The following LRRD1 variants were observed in gnomAD, a reference collection of about 807,000 sequenced individuals.
LRRD1 encodes the protein leucine rich repeats and death domain containing 1, also known as leucine-rich repeat and death domain-containing protein 1.
LRRD1 carries 49 observed loss-of-function variants against 69.5 expected under a neutral mutation model. That is an observed-to-expected ratio of 0.70 (90% CI 0.56 to 0.89). LRRD1 has a LOEUF of 0.89. Ranked by LOEUF, LRRD1 falls within the 40% of genes least tolerant of loss-of-function variation. The pLI, the probability that LRRD1 is intolerant of heterozygous loss-of-function variation, is 0.00. For synonymous variants in LRRD1, 303 were observed against 338.9 expected, an observed-to-expected ratio of 0.89 and a Z score of 1.16; for missense variants, 853 against 956.0, an observed-to-expected ratio of 0.89 and a Z score of 1.42.
At chr7:92,158,201 C>T (rs1161919997) in intron 3 of LRRD1, among the ~76,000 whole-genome samples, 1 of 151,908 alleles carries the variant, frequency 6.6e-6, no homozygotes, top group Non-Finnish European at 1.5e-5. Flanking sequence ...CATTTAAAGA[C>T]ACTGCTGGCT....
At chr7:92,142,568 G>A (rs1438503471), downstream of LRRD1, 4 of 455,370 alleles carry the variant, frequency 8.8e-6, no homozygotes, top group East Asian at 6.9e-5. Context: ...TGGGTTCTTC[G>A]TCTCACTGAC....
rs73228571 is a variant in LRRD1, at chr7:92,164,994, G to A, written c.209C>T (p.Ser70Phe). The A allele has an allele frequency of 0.02, 31,427 of 1,551,222 alleles. 410 individuals carry two copies. Among genetic ancestry groups the A allele is most frequent in the Non-Finnish European group, 0.024 (27,799 of 1,146,820 alleles). The change falls in exon 2 of 6, where the codon TCC becomes TTC. Residue 70 changes from serine to phenylalanine, a missense_variant. By Grantham distance (155) the Ser-to-Phe change is radical. Coordinates refer to ENST00000458448, the MANE Select transcript of LRRD1 (RefSeq NM_001161528.2). The stretch of plus-strand genomic sequence containing the variant: ...ATTTCTCTTAGACTTCCTTCCAGAG[G>A]AAGATGTTGACTCTAATGTATTCTG... ...PRQNTLESTSSSGRKSKRNEE... is the reference protein window; with the variant it reads ...PRQNTLESTSFSGRKSKRNEE...
Position 92,150,690 on chromosome 7 carries a change from TA to T in LRRD1, c.2121del (p.Asn707LysfsTer3). 6.6e-7 allele frequency: 1 copy of T among 1,526,076 alleles called. No homozygotes were observed. Among genetic ancestry groups the T allele is most frequent in the Non-Finnish European group, 8.8e-7 (1 of 1,132,716 alleles). 94.5% of individuals were successfully genotyped at this position (1,526,076 alleles called of 1,614,324 possible). A position where few individuals can be genotyped will look rare whatever the true frequency, so the allele number is the denominator to read the frequency against. On this transcript the variant is annotated frameshift_variant, in exon 4 of 6. Coordinates refer to ENST00000458448, the MANE Select transcript of LRRD1 (RefSeq NM_001161528.2). LOFTEE classifies it high-confidence loss of function. ...NDLQQLNLSG[N>X]NLTALPSAIY... The stretch of plus-strand genomic sequence containing the variant: ...ATAGCACTAGGTAGAGCTGTCAGAT[TA>T]TTTCCTAGTAGAAAAAAATTAGAAT...
chr7:92,165,486 T>C (rs1788887221), intron 1 of LRRD1, among the ~76,000 whole-genome samples: 1 of 151,954 alleles, frequency 6.6e-6, no homozygotes, highest in Admixed American at 6.6e-5. Flanking sequence ...CACTTTAAAA[T>C]TACAGAAAGA....
chr7:92,142,996 C>A, downstream of LRRD1: 1 of 249,240 alleles, frequency 4.0e-6, no homozygotes, highest in South Asian at 4.3e-5. Flanking sequence ...TCTTATCTGG[C>A]CCCACCCACG....
chr7:92,162,451 T>C (rs952161508), intron 2 of LRRD1, among the ~76,000 whole-genome samples: 2 of 152,188 alleles, frequency 1.3e-5, no homozygotes, highest in African/African-American at 4.8e-5. Flanking sequence ...ATAATAGCTG[T>C]GTTCTTTTCA....
At chr7:92,174,494 TATATATATA>T in intron 1 of LRRD1, among the ~76,000 whole-genome samples, 1 of 19,750 alleles carries the variant, frequency 5.1e-5, no homozygotes, top group African/African-American at 2.1e-4. Flanking sequence ...TATATATATA[TATATATATA>T]TATATATTTT....
chr7:92,142,266 A>T (rs1042596476), downstream of LRRD1: 2 of 353,414 alleles, frequency 5.7e-6, no homozygotes, highest in African/African-American at 4.3e-5. Flanking sequence ...AACCACTTGT[A>T]TTAGGTCTCT....
At chr7:92,147,308 T>A (rs1479806031) in intron 4 of LRRD1, among the ~76,000 whole-genome samples, 1 of 152,174 alleles carries the variant, frequency 6.6e-6, no homozygotes, top group African/African-American at 2.4e-5. Flanking sequence ...CCTCAGGTGA[T>A]CCGCCCTCCT....
intron 1 of LRRD1, among the ~76,000 whole-genome samples, chr7:92,175,611 T>A (rs2131028460): frequency 6.6e-6 from 1 of 152,210 alleles, no homozygotes; most frequent in Non-Finnish European, 1.5e-5. Context: ...ATCACGCCAT[T>A]GTACTCCAGC....
At chr7:92,149,885 G>A (rs1442148066) in intron 4 of LRRD1, 2 of 456,172 alleles carry the variant, frequency 4.4e-6, no homozygotes, top group African/African-American at 2.0e-5. Flanking sequence ...ACATTTGGTA[G>A]AACAGATTGG....
intron 1 of LRRD1, among the ~76,000 whole-genome samples, chr7:92,177,313 C>A (rs1055012245): frequency 6.6e-6 from 1 of 151,870 alleles, no homozygotes; most frequent in African/African-American, 2.4e-5. Flanking sequence ...TTCTAATTAG[C>A]TATTTGTTGA....
At chr7:92,142,284 C>A, downstream of LRRD1, 2 of 357,378 alleles carry the variant, frequency 5.6e-6, no homozygotes, top group East Asian at 1.5e-4. Flanking sequence ...TCTTTCCATT[C>A]AAAGTTATGG....
chr7:92,177,457 C>T (rs1203173728), intron 1 of LRRD1, among the ~76,000 whole-genome samples: 1 of 152,138 alleles, frequency 6.6e-6, no homozygotes, highest in Non-Finnish European at 1.5e-5. Context: ...TAATTGCCTT[C>T]CCTGGCTTCA....
At chr7:92,149,551 G>T (rs920272261) in intron 4 of LRRD1, among the ~76,000 whole-genome samples, 1 of 152,096 alleles carries the variant, frequency 6.6e-6, no homozygotes, top group Non-Finnish European at 1.5e-5. Flanking sequence ...AAGAAAATGG[G>T]CCTGTTCTCA....
At position 92,165,165 on chromosome 7, in the gene LRRD1, T is replaced by A; in HGVS notation, c.38A>T (p.Asp13Val). 1 of 1,545,630 alleles carries A rather than the reference T, an allele frequency of 6.5e-7. No individual in the cohort carries two copies. The highest frequency in any genetic ancestry group is 8.7e-7 in the Non-Finnish European group (1 of 1,144,202). Residue 13 changes from aspartate to valine, a missense_variant, in exon 2 of 6, where the codon GAT (aspartate) becomes GTT (valine). Physicochemically the swap from Asp to Val is radical, Grantham distance 152. Around this residue, in one of 3 missense-constraint regions of LRRD1, gnomAD observed 99 missense variants for 107.0 expected, o/e 0.92. Transcript: ENST00000458448. ...TTCTTTCCTAAATTGACTAATAGTA[T>A]CCTCTAGCACTTCTGACATACCCTC... ...EKEGMSEVLE[D>V]TISQFRKESR...
At chr7:92,168,389 A>G (rs1026713119) in intron 1 of LRRD1, among the ~76,000 whole-genome samples, 2 of 152,172 alleles carry the variant, frequency 1.3e-5, no homozygotes. Context: ...AAGAGGAGGC[A>G]AAACTACCAT....
At chr7:92,168,087 A>C (rs1788961408) in intron 1 of LRRD1, among the ~76,000 whole-genome samples, 1 of 152,100 alleles carries the variant, frequency 6.6e-6, no homozygotes, top group Non-Finnish European at 1.5e-5. Context: ...AATATCCCAG[A>C]ACTCAAACAT....
At chr7:92,177,878 A>C (rs1306063265) in intron 1 of LRRD1, among the ~76,000 whole-genome samples, 1 of 152,206 alleles carries the variant, frequency 6.6e-6, no homozygotes, top group African/African-American at 2.4e-5. Flanking sequence ...AACAGCACAG[A>C]TATGCAATGA....
Sources: allele counts gnomAD v4.1 joint callset (sites outside exome capture counted in the v4.1 genomes callset), GRCh38; gene constraint gnomAD v4.1.1; regional missense constraint gnomAD v4.1.1; transcripts MANE v1.5; gene names NCBI Gene and HGNC (gene_info 2026-07-23, HGNC 2026-07-21).